The following LEKR1 variants were observed in gnomAD, a reference collection of about 807,000 sequenced individuals.
The protein encoded by LEKR1 is protein LEKR1.
Under a neutral mutation model 72.4 loss-of-function variants are expected in LEKR1, and 59 were observed. The observed-to-expected ratio is 0.82, with a 90% CI of 0.66 to 1.01. The LOEUF (loss-of-function observed/expected upper bound fraction) is 1.01. Among genes scored for constraint, LEKR1 ranks in the 50% least tolerant of loss-of-function variants. LEKR1 has a pLI of 0.00. For missense variants in LEKR1, 728 were observed against 759.2 expected, an observed-to-expected ratio of 0.96 and a Z score of 0.48; for synonymous variants, 257 against 263.2, an observed-to-expected ratio of 0.98 and a Z score of 0.23.
intron 3 of LEKR1, among the ~76,000 whole-genome samples, chr3:156,882,634 T>C (rs1212949306): frequency 1.1e-4 from 17 of 152,118 alleles, no homozygotes; most frequent in African/African-American, 2.2e-4. Flanking sequence ...CCATTTGACC[T>C]AGCCATCCCA....
chr3:156,948,791 T>C (rs1295427178), intron 6 of LEKR1, among the ~76,000 whole-genome samples: 1 of 151,458 alleles, frequency 6.6e-6, no homozygotes, highest in Non-Finnish European at 1.5e-5. Context: ...AGCAAGTGTA[T>C]AAGTGTGTCC....
chr3:156,927,496 G>A lies in LEKR1; in HGVS notation c.451G>A (p.Glu151Lys), dbSNP rs1469431766. 7 of 1,194,608 alleles carry A rather than the reference G, an allele frequency of 5.9e-6. No individual in the cohort carries two copies. Among genetic ancestry groups the A allele is most frequent in the Non-Finnish European group, 7.5e-6 (7 of 933,780 alleles). 74.0% of individuals were successfully genotyped at this position (1,194,608 alleles called of 1,614,324 possible). The change falls in exon 5 of 13, where the codon GAA (glutamate) becomes AAA (lysine). Residue 151 changes from glutamate (E) to lysine (K), a missense_variant. Physicochemically the swap from Glu to Lys is moderately conservative, Grantham distance 56 (BLOSUM62 1). Coordinates refer to ENST00000356539, the MANE Select transcript of LEKR1 (RefSeq NM_001004316.3). ...TTCATTACTTACTTTTACTAAAAGG[G>A]AACTAACCAGTATTAAAAATGAAGT... is the stretch of plus-strand genomic sequence containing the variant. ...TLSLLTFTKR[E>K]LTSIKNEVYD...
intron 3 of LEKR1, among the ~76,000 whole-genome samples, chr3:156,911,080 C>T (rs141283844): frequency 2.0e-5 from 3 of 152,134 alleles, no homozygotes; most frequent in Non-Finnish European, 2.9e-5. Context: ...ATTCCTCTAA[C>T]GACTAGAGAT....
chr3:156,936,792 A>T (rs1004967839), intron 5 of LEKR1, among the ~76,000 whole-genome samples: 1 of 152,198 alleles, frequency 6.6e-6, no homozygotes, highest in Non-Finnish European at 1.5e-5. Context: ...AGAAAAAGAG[A>T]AAGTGCCTTG....
chr3:156,969,596 C>T (rs1728966755), intron 6 of LEKR1, among the ~76,000 whole-genome samples: 1 of 152,160 alleles, frequency 6.6e-6, no homozygotes, highest in African/African-American at 2.4e-5. Flanking sequence ...TCTGAATAGA[C>T]CAATAACAGG....
At chr3:156,865,130 C>G (rs1164922023) in intron 3 of LEKR1, among the ~76,000 whole-genome samples, 1 of 151,992 alleles carries the variant, frequency 6.6e-6, no homozygotes, top group Non-Finnish European at 1.5e-5. Context: ...CCTCTTTCTA[C>G]TTGTGTTCTA....
intron 3 of LEKR1, among the ~76,000 whole-genome samples, chr3:156,898,524 G>A (rs1465512143): frequency 2.6e-5 from 4 of 152,122 alleles, no homozygotes; most frequent in Admixed American, 6.6e-5. Context: ...CGGACCTGCC[G>A]GCACCTTGAT....
chr3:157,030,150 G>A (rs891451603), intron 12 of LEKR1, among the ~76,000 whole-genome samples: 7 of 152,104 alleles, frequency 4.6e-5, no homozygotes, highest in African/African-American at 1.4e-4. Flanking sequence ...AGAGAGAGGT[G>A]GGGGGAGGTG....
At chr3:157,004,964 C>T (rs1288648192) in intron 9 of LEKR1, among the ~76,000 whole-genome samples, 1 of 151,836 alleles carries the variant, frequency 6.6e-6, no homozygotes, top group Non-Finnish European at 1.5e-5. Flanking sequence ...CAATGGAAAA[C>T]AGAAAAACAA....
intron 5 of LEKR1, among the ~76,000 whole-genome samples, chr3:156,932,705 C>CAAAAA (rs71141797): frequency 1.0e-5 from 1 of 99,774 alleles, no homozygotes; most frequent in Non-Finnish European, 2.0e-5. Flanking sequence ...GACTCTGTCT[C>CAAAAA]AAAAAAAAAA....
intron 2 of LEKR1, among the ~76,000 whole-genome samples, chr3:156,849,414 G>T (rs1382443563): frequency 1.3e-5 from 2 of 152,092 alleles, no homozygotes; most frequent in Non-Finnish European, 2.9e-5. Context: ...CTACTTTAAA[G>T]TTCATATGGA....
At chr3:157,040,052 C>T (rs763053347) in intron 12 of LEKR1, among the ~76,000 whole-genome samples, 1 of 152,068 alleles carries the variant, frequency 6.6e-6, no homozygotes. Context: ...AACTGACCAC[C>T]TGAGAACCTT....
At chr3:156,917,128 A>G (rs1723733794) in intron 3 of LEKR1, among the ~76,000 whole-genome samples, 1 of 152,132 alleles carries the variant, frequency 6.6e-6, no homozygotes, top group Admixed American at 6.5e-5. Flanking sequence ...GAGAATAAGA[A>G]AGAAATTTTG....
intron 6 of LEKR1, among the ~76,000 whole-genome samples, chr3:156,951,008 T>C (rs954274705): frequency 6.6e-6 from 1 of 151,598 alleles, no homozygotes; most frequent in African/African-American, 2.4e-5. Context: ...GGGTTTGGCA[T>C]AGACAGCTCT....
At chr3:156,899,515 CATACATACATATATACACATATATACAT>C (rs1721679714) in intron 3 of LEKR1, among the ~76,000 whole-genome samples, 1 of 103,244 alleles carries the variant, frequency 9.7e-6, no homozygotes, top group Admixed American at 9.3e-5. Flanking sequence ...TGTATATATA[CATACATACATATATACACATATATACAT>C]ATATACACAT....
chr3:156,947,064 C>A lies in LEKR1; in HGVS notation c.745+4350C>A, dbSNP rs535021225. Among the ~76,000 whole-genome samples, 9 of 150,892 alleles carry A rather than the reference C, an allele frequency of 6.0e-5. No homozygotes were observed. The South Asian group carries it at 1.9e-3, about 31-fold the overall frequency. ...TTGTTAATTTTATCTTTTCAGGAGA[C>A]CAACTTTTCATTTTGTTGATCTTTT... On this transcript the variant is annotated intron_variant, in intron 6 of 12. Transcript: ENST00000356539.
Position 157,045,654 on chromosome 3 carries a change from C to G in LEKR1, c.1983C>G (p.Leu661=). The G allele has an allele frequency of 6.2e-7, 1 of 1,614,086 alleles. No homozygotes were observed. The highest frequency in any genetic ancestry group is 2.2e-5 in the East Asian group (1 of 44,880). ...PKRVRSGVPI[L]PQPHPPRGGA... ...GGGTTAGATCAGGCGTGCCCATTCTCCCCCAGCCACATCCTCCCAGGGGTG... is the reference window on the plus strand; with the variant it reads ...GGGTTAGATCAGGCGTGCCCATTCTGCCCCAGCCACATCCTCCCAGGGGTG... The change falls in exon 13 of 13, where the codon CTC becomes CTG. Residue 661 remains leucine, a synonymous_variant. Transcript: ENST00000356539.
rs375717532 is a variant in LEKR1 at position 156,993,125 on chromosome 3, G to A, written c.957G>A (p.Gln319=). The change falls in exon 9 of 13, where the codon CAG becomes CAA. Residue 319 remains glutamine (Q), a synonymous_variant. Coordinates refer to ENST00000356539, the MANE Select transcript of LEKR1 (RefSeq NM_001004316.3). The stretch of plus-strand genomic sequence containing the variant: ...AAGACTCTTTAATGACTTGTCAACA[G>A]ATATATAAAGCATTACAGGAAGAGC... ...EKEDSLMTCQ[Q]IYKALQEELT... The A allele has an allele frequency of 1.9e-6, 3 of 1,611,750 alleles. No homozygotes were observed. Among genetic ancestry groups the A allele is most frequent in the African/African-American group, 2.7e-5 (2 of 74,696 alleles).
intron 3 of LEKR1, among the ~76,000 whole-genome samples, chr3:156,861,236 T>A (rs1716728637): frequency 6.6e-6 from 1 of 152,134 alleles, no homozygotes; most frequent in South Asian, 2.1e-4. Context: ...AGAAAATAAA[T>A]ACATCAACAA....
Sources: gnomAD v4.1 joint callset for allele counts (sites outside exome capture counted in the v4.1 genomes callset) on GRCh38, gnomAD v4.1.1 for gene constraint, MANE v1.5 for transcripts, NCBI Gene and HGNC (gene_info 2026-07-23, HGNC 2026-07-21) for gene names.